The following RBFOX1 variants were observed in gnomAD, a reference collection of about 807,000 sequenced individuals.
RBFOX1 encodes the protein RNA binding fox-1 homolog 1.
Under a neutral mutation model 57.7 loss-of-function variants are expected in RBFOX1, and 8 were observed. The ratio of observed to expected loss-of-function variants is 0.14; its 90% CI spans 0.08 to 0.25. The LOEUF (loss-of-function observed/expected upper bound fraction) is 0.25, where lower values mean the gene tolerates loss of function less well. Among genes scored for constraint, RBFOX1 ranks in the 10% least tolerant of loss-of-function variants. The pLI, the probability that RBFOX1 is intolerant of heterozygous loss-of-function variation, is 1.00. For synonymous variants in RBFOX1, 326 were observed against 222.4 expected, an observed-to-expected ratio of 1.47 and a Z score of -4.15; for missense variants, 611 against 548.5, an observed-to-expected ratio of 1.11 and a Z score of -1.14.
intron 4 of RBFOX1, among the ~76,000 whole-genome samples, chr16:7,305,584 A>T (rs1459625168): frequency 1.3e-5 from 2 of 152,340 alleles, no homozygotes; most frequent in South Asian, 4.1e-4. Context: ...AGAACTTCCT[A>T]TGCAAGAGTT....
chr16:7,183,900 T>G (rs1238529417), intron 4 of RBFOX1, among the ~76,000 whole-genome samples: 1 of 152,116 alleles, frequency 6.6e-6, no homozygotes, highest in African/African-American at 2.4e-5. Flanking sequence ...GGGAGTAGTT[T>G]AAAGGGGATA....
At chr16:6,894,822 GT>G (rs1189809994) in intron 3 of RBFOX1, among the ~76,000 whole-genome samples, 1 of 152,154 alleles carries the variant, frequency 6.6e-6, no homozygotes, top group African/African-American at 2.4e-5. Context: ...ATTTTAGGTA[GT>G]AGTCCAGAAT....
intron 1 of RBFOX1, chr16:5,289,056 C>T (rs369606673): frequency 5.0e-4 from 79 of 157,706 alleles, no homozygotes; most frequent in African/African-American, 1.8e-3. Flanking sequence ...ACCTGGGAGG[C>T]GGAGATTTCA....
At chr16:6,597,203 C>G (rs2097784832) in intron 2 of RBFOX1, among the ~76,000 whole-genome samples, 1 of 152,166 alleles carries the variant, frequency 6.6e-6, no homozygotes, top group South Asian at 2.1e-4. Context: ...ATCTTCATAT[C>G]TCATCTCCAG....
At chr16:7,606,271 A>T (rs2095282870) in intron 9 of RBFOX1, among the ~76,000 whole-genome samples, 1 of 151,730 alleles carries the variant, frequency 6.6e-6, no homozygotes, top group Non-Finnish European at 1.5e-5. Flanking sequence ...ACAGGTGCCC[A>T]CTATGATGCC....
chr16:5,286,178 A>G (rs1303150323), intron 1 of RBFOX1, among the ~76,000 whole-genome samples: 4 of 152,116 alleles, frequency 2.6e-5, no homozygotes, highest in African/African-American at 9.7e-5. Flanking sequence ...AGGTGTGTCA[A>G]TACTAGGGAC....
Position 6,176,395 on chromosome 16 carries a change from G to C in RBFOX1, c.-126-140600G>C, listed in dbSNP as rs564414610. 2.7e-3 allele frequency among the ~76,000 whole-genome samples: 407 copies of C among 149,194 alleles called. 2 individuals are homozygous for C. The highest frequency in any genetic ancestry group is 9.9e-3 in the African/African-American group (397 of 40,154). On this transcript the variant is annotated intron_variant, in intron 1 of 15. Transcript: ENST00000550418. ...GCTGGTCTCAAACTCCTGACCTCAGGTCATCCGCCCGCCTCAGCCTCCCAA... is the reference window on the plus strand; with the variant it reads ...GCTGGTCTCAAACTCCTGACCTCAGCTCATCCGCCCGCCTCAGCCTCCCAA...
intron 3 of RBFOX1, among the ~76,000 whole-genome samples, chr16:6,677,245 C>T (rs1361325909): frequency 6.6e-6 from 1 of 152,082 alleles, no homozygotes; most frequent in Non-Finnish European, 1.5e-5. Context: ...CTCTAGAGAC[C>T]ATAGATAATT....
At chr16:6,942,277 C>T (rs910241321) in intron 3 of RBFOX1, among the ~76,000 whole-genome samples, 1 of 152,100 alleles carries the variant, frequency 6.6e-6, no homozygotes, top group Non-Finnish European at 1.5e-5. Flanking sequence ...GAGACTCCAT[C>T]TCACAAACAA....
chr16:5,889,967 G>A (rs1206524197), intron 4 of RBFOX1, among the ~76,000 whole-genome samples: 1 of 152,250 alleles, frequency 6.6e-6, no homozygotes, highest in Admixed American at 6.5e-5. Context: ...CACAATGCGT[G>A]TGAGATGTAG....
intron 2 of RBFOX1, among the ~76,000 whole-genome samples, chr16:6,321,779 A>G (rs1307072805): frequency 6.6e-6 from 1 of 152,194 alleles, no homozygotes; most frequent in African/African-American, 2.4e-5. Context: ...TCAACATTAG[A>G]TGAAATACTG....
At chr16:6,724,050 T>A (rs1218427281) in intron 3 of RBFOX1, among the ~76,000 whole-genome samples, 1 of 152,128 alleles carries the variant, frequency 6.6e-6, no homozygotes, top group African/African-American at 2.4e-5. Context: ...ACCCTGAACA[T>A]TTATATGAAA....
intron 13 of RBFOX1, among the ~76,000 whole-genome samples, chr16:7,667,913 A>T (rs1458162152): frequency 6.6e-6 from 1 of 152,038 alleles, no homozygotes; most frequent in Admixed American, 6.6e-5. Context: ...ACCTCAAGTG[A>T]TCCATCCGCC....
intron 5 of RBFOX1, 35 bp downstream of exon 5, chr16:7,518,424 T>C: frequency 6.3e-7 from 1 of 1,577,350 alleles, no homozygotes. Context: ...TGGGAGGTTA[T>C]GGGGAGGCGC....
At chr16:6,872,154 A>G (rs1413913643) in intron 3 of RBFOX1, among the ~76,000 whole-genome samples, 1 of 152,110 alleles carries the variant, frequency 6.6e-6, no homozygotes, top group Non-Finnish European at 1.5e-5. Flanking sequence ...CAAATGGAAA[A>G]CTGTGAGAGC....
chr16:6,858,214 C>T (rs936669268), intron 3 of RBFOX1, among the ~76,000 whole-genome samples: 5 of 152,076 alleles, frequency 3.3e-5, no homozygotes, highest in Admixed American at 6.6e-5. Context: ...TGTTGGTAAA[C>T]GAAGGTTGAA....
At chr16:6,227,701 G>C (rs1447394150) in intron 1 of RBFOX1, among the ~76,000 whole-genome samples, 1 of 152,212 alleles carries the variant, frequency 6.6e-6, no homozygotes, top group African/African-American at 2.4e-5. Flanking sequence ...GGAGCATAAT[G>C]AGTTCCTCAA....
Position 7,366,053 on chromosome 16 carries a change from C to T in RBFOX1, c.28-152094C>T, listed in dbSNP as rs142498788. Among the ~76,000 whole-genome samples the T allele has an allele frequency of 5.3e-4, 81 of 152,208 alleles. No individual in the cohort carries two copies. The East Asian group carries it at 0.013, about 24-fold the overall frequency. ...CCAGGGAAGGTTTTGATTGGCCTGG[C>T]GGAGGTCCAGGGCTCATCACTGAGC... is the stretch of plus-strand genomic sequence containing the variant. On this transcript the variant is annotated intron_variant, in intron 4 of 15. Transcript: ENST00000550418.
At chr16:7,218,992 A>T (rs993584532) in intron 4 of RBFOX1, among the ~76,000 whole-genome samples, 1 of 152,224 alleles carries the variant, frequency 6.6e-6, no homozygotes, top group Middle Eastern at 3.4e-3. Flanking sequence ...TGCCTGTTAC[A>T]TGCTGGTGGT....
Sources: gnomAD v4.1 joint callset for allele counts (sites outside exome capture counted in the v4.1 genomes callset) on GRCh38, gnomAD v4.1.1 for gene constraint, MANE v1.5 for transcripts, NCBI Gene and HGNC (gene_info 2026-07-23, HGNC 2026-07-21) for gene names.